LYRM4: variants seen among roughly 807,000 people sequenced by gnomAD.
LYRM4 encodes the protein LYR motif-containing protein 4.
In LYRM4, 9 loss-of-function variants were observed where a neutral mutation model predicts 11.7. The ratio of observed to expected loss-of-function variants is 0.77; its 90% CI spans 0.46 to 1.34. LYRM4 has a LOEUF of 1.34. Ranked by LOEUF, LYRM4 falls within the 40% of genes most tolerant of loss-of-function variation. The pLI, the probability that LYRM4 is intolerant of heterozygous loss-of-function variation, is 0.00. For synonymous variants in LYRM4, 42 were observed against 40.4 expected (o/e 1.04, Z -0.15); for missense variants, 133 against 112.5 (o/e 1.18, Z -0.82).
chr6:5,127,538 A>G (rs1040717683), intron 2 of LYRM4, among the ~76,000 whole-genome samples: 1 of 152,220 alleles, frequency 6.6e-6, no homozygotes, highest in African/African-American at 2.4e-5. Flanking sequence ...GCTGTTTAGC[A>G]CTTGAAATAT....
intron 1 of LYRM4, among the ~76,000 whole-genome samples, chr6:5,237,699 C>T (rs1763632337): frequency 6.6e-6 from 1 of 152,102 alleles, no homozygotes; most frequent in African/African-American, 2.4e-5. Flanking sequence ...CCTGTATCTA[C>T]TCTTCTAGAT....
intron 2 of LYRM4, among the ~76,000 whole-genome samples, chr6:5,161,852 G>C (rs183395081): frequency 8.3e-4 from 126 of 152,276 alleles, no homozygotes; most frequent in Non-Finnish European, 8.8e-5. Context: ...GTTTGCAAGA[G>C]CTCTCTCTGC....
chr6:5,080,257 A>G, the LYRM4 span, among the ~76,000 whole-genome samples: 12 of 152,350 alleles, frequency 7.9e-5, no homozygotes, highest in South Asian at 1.7e-3. Flanking sequence ...TGACCTTTTA[A>G]GTGAAAACCC....
intron 2 of LYRM4, among the ~76,000 whole-genome samples, chr6:5,144,573 C>T (rs200865): frequency 0.8 from 116,987 of 145,976 alleles, 46,789 homozygotes; most frequent in East Asian, 0.92. Flanking sequence ...GGAGGTGAGC[C>T]GAGATCACGC....
chr6:5,177,221 T>G (rs58601318), intron 2 of LYRM4, among the ~76,000 whole-genome samples: 2 of 152,214 alleles, frequency 1.3e-5, no homozygotes, highest in Non-Finnish European at 2.9e-5. Context: ...CAGGTGAGCG[T>G]AGAAGATTCT....
chr6:5,136,490 C>T, intron 2 of LYRM4: 1 of 946,822 alleles, frequency 1.1e-6, no homozygotes, highest in South Asian at 4.9e-5. Context: ...TTGGGTTTCA[C>T]CTAACCCTGT....
chr6:5,260,915 C>A lies in LYRM4; in HGVS notation c.-182G>T. ...GCGGATCGCGGACGGCGCCAGGCGT[C>A]CCGCGCCGCTTCGGGGGCGGGCGCA... On this transcript the variant is annotated 5_prime_UTR_variant, in exon 1 of 3. Coordinates refer to ENST00000330636, the MANE Select transcript of LYRM4 (RefSeq NM_020408.6). 7.3e-7 allele frequency: 1 copy of A among 1,368,880 alleles called. No individual in the cohort carries two copies. The highest frequency in any genetic ancestry group is 9.4e-7 in the Non-Finnish European group (1 of 1,066,512). The allele number at this position is 1,368,880 out of a possible 1,614,324, so 84.8% of individuals were successfully genotyped here. A position where few individuals can be genotyped will look rare whatever the true frequency, so the allele number is the denominator to read the frequency against.
chr6:5,149,306 G>A (rs912285378), intron 2 of LYRM4, among the ~76,000 whole-genome samples: 1 of 152,210 alleles, frequency 6.6e-6, no homozygotes, highest in African/African-American at 2.4e-5. Context: ...TCACAGGAGA[G>A]GCCCTTCAAC....
chr6:5,097,818 T>C, the LYRM4 span, among the ~76,000 whole-genome samples: 96,303 of 151,656 alleles, frequency 0.64, 31,367 homozygotes, highest in East Asian at 0.8. Context: ...GTATTAAGCA[T>C]GCACATTGTT....
the LYRM4 span, among the ~76,000 whole-genome samples, chr6:5,056,367 A>G: frequency 6.6e-6 from 1 of 152,200 alleles, no homozygotes; most frequent in Non-Finnish European, 1.5e-5. Context: ...CTTCTTTGAT[A>G]TGACACCAAG....
At chr6:5,207,751 T>C (rs938683920) in intron 2 of LYRM4, among the ~76,000 whole-genome samples, 2 of 152,316 alleles carry the variant, frequency 1.3e-5, no homozygotes, top group East Asian at 3.9e-4. Context: ...TTATTTTCTT[T>C]TGACGGCAGA....
At chr6:5,038,167 A>G in the LYRM4 span, among the ~76,000 whole-genome samples, 1 of 52,960 alleles carries the variant, frequency 1.9e-5, no homozygotes, top group African/African-American at 5.1e-5. Flanking sequence ...CATCCCAGAC[A>G]GGGAGGCGGG....
the LYRM4 span, among the ~76,000 whole-genome samples, chr6:5,038,020 C>T: frequency 1.7e-5 from 1 of 57,262 alleles, no homozygotes; most frequent in African/African-American, 4.7e-5. Context: ...GGGGTGGCTG[C>T]CGGACGGAGG....
At chr6:5,187,692 A>G (rs2127686883) in intron 2 of LYRM4, among the ~76,000 whole-genome samples, 1 of 152,354 alleles carries the variant, frequency 6.6e-6, no homozygotes, top group Middle Eastern at 3.4e-3. Context: ...AACACAGCAC[A>G]TGTATACCTA....
chr6:5,219,760 C>A (rs893069201), intron 1 of LYRM4, among the ~76,000 whole-genome samples: 1 of 151,636 alleles, frequency 6.6e-6, no homozygotes, highest in Non-Finnish European at 1.5e-5. Context: ...TGGCTATCAG[C>A]CTCTTGACCA....
chr6:5,066,893 C>G, the LYRM4 span: 48 of 1,129,644 alleles, frequency 4.2e-5, no homozygotes, highest in Non-Finnish European at 5.7e-5. Context: ...TTCGCATCGC[C>G]GCTCCAGACC....
At chr6:5,258,232 T>C (rs1023816843) in intron 1 of LYRM4, among the ~76,000 whole-genome samples, 2 of 152,212 alleles carry the variant, frequency 1.3e-5, no homozygotes, top group African/African-American at 4.8e-5. Context: ...ATTATAGGTC[T>C]TGCAAGAGAG....
Position 5,233,923 on chromosome 6 carries a change from C to T in LYRM4, c.87-17185G>A, listed in dbSNP as rs528375010. Among the ~76,000 whole-genome samples the T allele has an allele frequency of 1.1e-4, 16 of 152,318 alleles. No homozygotes were observed. The South Asian group carries it at 2.7e-3, about 26-fold the overall frequency. On this transcript the variant is annotated intron_variant, in intron 1 of 2. Coordinates refer to ENST00000330636, the MANE Select transcript of LYRM4 (RefSeq NM_020408.6). ...ACACAGAACTGGCTTTGAGAAGATACGAACCCAGGCAAGTGAAACTTGGTC... is the reference window on the plus strand; with the variant it reads ...ACACAGAACTGGCTTTGAGAAGATATGAACCCAGGCAAGTGAAACTTGGTC...
the LYRM4 span, chr6:5,066,416 T>TA: frequency 2.7e-6 from 2 of 745,188 alleles, no homozygotes; most frequent in Non-Finnish European, 5.0e-6. Context: ...TAGTTACTTT[T>TA]AAAGGGCTGC....
Sources: allele counts gnomAD v4.1 joint callset (sites outside exome capture counted in the v4.1 genomes callset), GRCh38; gene constraint gnomAD v4.1.1; transcripts MANE v1.5; gene names NCBI Gene and HGNC (gene_info 2026-07-23, HGNC 2026-07-21).